AGAP1: variants seen among roughly 807,000 people sequenced by gnomAD.
AGAP1 encodes arf-GAP with GTPase, ANK repeat and PH domain-containing protein 1.
Under a neutral mutation model 105.3 loss-of-function variants are expected in AGAP1, and 29 were observed. The ratio of observed to expected loss-of-function variants is 0.28; its 90% CI spans 0.21 to 0.38. The LOEUF is 0.38. AGAP1 is among the 10% of genes least tolerant of loss of function. AGAP1 has a pLI of 1.00. For missense variants in AGAP1, 998 were observed against 1,165.1 expected (o/e 0.86, Z 2.09); for synonymous variants, 509 against 485.9 (o/e 1.05, Z -0.63).
intron 1 of AGAP1, among the ~76,000 whole-genome samples, chr2:235,617,180 CAT>C (rs749890873): frequency 1.8e-4 from 28 of 152,192 alleles, no homozygotes; most frequent in East Asian, 3.9e-4. Flanking sequence ...ACAAAACAAA[CAT>C]GTGTGAATAG....
At chr2:235,823,882 A>G (rs1958935567) in intron 9 of AGAP1, among the ~76,000 whole-genome samples, 1 of 152,196 alleles carries the variant, frequency 6.6e-6, no homozygotes, top group African/African-American at 2.4e-5. Flanking sequence ...ATTGATTCCC[A>G]GCAGTCCTGT....
Position 235,599,378 on chromosome 2 carries a change from AG to A in AGAP1, c.163+104531del, listed in dbSNP as rs1945652472. Among the ~76,000 whole-genome samples the A allele has an allele frequency of 6.6e-6, 1 of 152,064 alleles. No individual in the cohort carries two copies. On this transcript the variant is annotated intron_variant, in intron 1 of 17. Transcript: ENST00000304032. This position sits in a 1 kb window ranked among gnomAD's most constrained non-coding sequence, Gnocchi z 5.3. ...GGAGAAGGTGTGGCGGGCAGCAAGG[AG>A]GCTGGGGAAGTGGATGCTGCAGGGT...
At chr2:235,672,930 C>T (rs1340275207) in intron 1 of AGAP1, among the ~76,000 whole-genome samples, 2 of 152,150 alleles carry the variant, frequency 1.3e-5, no homozygotes, top group East Asian at 3.8e-4. Flanking sequence ...GTGGTCAGTC[C>T]TTCTCTGGGC....
At chr2:235,861,591 A>T (rs544656709) in intron 9 of AGAP1, among the ~76,000 whole-genome samples, 1 of 152,182 alleles carries the variant, frequency 6.6e-6, no homozygotes, top group African/African-American at 2.4e-5. Flanking sequence ...TGCACTACCT[A>T]TGTTTAGCAG....
rs1307640874 is a variant in AGAP1 at position 235,691,494 on chromosome 2, G to A, written c.164-17685G>A. Among the ~76,000 whole-genome samples, 2 of 152,178 alleles carry A rather than the reference G, an allele frequency of 1.3e-5. No individual in the cohort carries two copies. Among genetic ancestry groups the A allele is most frequent in the African/African-American group, 4.8e-5 (2 of 41,438 alleles). ...ATTTGAGATGTGCCAACATTTAGTC[G>A]GATTCTGTGACTGGTCGTGAGTCCC... On this transcript the variant is annotated intron_variant, in intron 1 of 17. Transcript: ENST00000304032. This position sits in a 1 kb window ranked among gnomAD's most constrained non-coding sequence, Gnocchi z 4.4.
rs1414425553 is a variant in AGAP1, at chr2:235,633,162, CATT to C, written c.164-76014_164-76012del. ...AAAAGACAGGTTAACGAGAGAAAAG[CATT>C]ATACATTTACTTGATCCTGGTTTTA... On this transcript the variant is annotated intron_variant, in intron 1 of 17. Coordinates refer to ENST00000304032, the MANE Select transcript of AGAP1 (RefSeq NM_001037131.3). The surrounding 1 kb of genome is among the most constrained non-coding windows in gnomAD (Gnocchi z 4.8). Among the ~76,000 whole-genome samples the C allele has an allele frequency of 6.6e-6, 1 of 152,132 alleles. No individual in the cohort carries two copies. The highest frequency in any genetic ancestry group is 1.5e-5 in the Non-Finnish European group (1 of 68,036).
rs954258926 is a variant in AGAP1 at position 235,560,796 on chromosome 2, C to T, written c.163+65947C>T. Among the ~76,000 whole-genome samples, 11 of 152,164 alleles carry T rather than the reference C, an allele frequency of 7.2e-5. 1 individual carries two copies. The highest frequency in any genetic ancestry group is 1.2e-4 in the Non-Finnish European group (8 of 68,032). On this transcript the variant is annotated intron_variant, in intron 1 of 17. Transcript: ENST00000304032. ...GAACTGTCAGACAGTGAAATCACGT[C>T]GTTCTAAACCAGTCAGCTGAGTGGT...
chr2:235,769,679 T>C lies in AGAP1; in HGVS notation c.673+19191T>C, dbSNP rs1254668720. On this transcript the variant is annotated intron_variant, in intron 6 of 17. Coordinates refer to ENST00000304032, the MANE Select transcript of AGAP1 (RefSeq NM_001037131.3). This position sits in a 1 kb window ranked among gnomAD's most constrained non-coding sequence, Gnocchi z 4.4. Reference sequence around the variant, plus strand: ...AATTAATTGCTGTAAAATATCGTGGTCAAAATCTCGGGGAGGCAGTGAAAA... The same window carrying C: ...AATTAATTGCTGTAAAATATCGTGGCCAAAATCTCGGGGAGGCAGTGAAAA... Among the ~76,000 whole-genome samples the C allele has an allele frequency of 6.6e-6, 1 of 151,876 alleles. No individual in the cohort carries two copies. Among genetic ancestry groups the C allele is most frequent in the East Asian group, 1.9e-4 (1 of 5,178 alleles).
In AGAP1 at chr2:236,062,527, A is replaced by G. The variant is rs895175436; in HGVS notation, c.2114+13246A>G. On this transcript the variant is annotated intron_variant, in intron 16 of 17. Transcript: ENST00000304032. This position sits in a 1 kb window ranked among gnomAD's most constrained non-coding sequence, Gnocchi z 4.2. ...ATCTCACTCTATCACACAGGCTTGAATGCAGTGGCATGATCATAGCTTACT... is the reference window on the plus strand; with the variant it reads ...ATCTCACTCTATCACACAGGCTTGAGTGCAGTGGCATGATCATAGCTTACT... Among the ~76,000 whole-genome samples, 2 of 152,168 alleles carry G rather than the reference A, an allele frequency of 1.3e-5. No homozygotes were observed. The highest frequency in any genetic ancestry group is 2.4e-5 in the African/African-American group (1 of 41,512).
At position 236,076,726 on chromosome 2, in the gene AGAP1, T is replaced by C. The variant is rs1342994886; in HGVS notation, c.2114+27445T>C. On this transcript the variant is annotated intron_variant, in intron 16 of 17. Transcript: ENST00000304032. The surrounding 1 kb of genome is among the most constrained non-coding windows in gnomAD (Gnocchi z 4.4). The stretch of plus-strand genomic sequence containing the variant: ...ACTAAAGAGGGAAGCCCCAGCGCTA[T>C]GAGCATACCTGGCAACAGACCACTT... Among the ~76,000 whole-genome samples the C allele has an allele frequency of 2.0e-5, 3 of 152,170 alleles. No homozygotes were observed. The highest frequency in any genetic ancestry group is 4.4e-5 in the Non-Finnish European group (3 of 68,022).
At chr2:235,742,208 A>C (rs1952633989) in intron 4 of AGAP1, among the ~76,000 whole-genome samples, 1 of 152,178 alleles carries the variant, frequency 6.6e-6, no homozygotes, top group Admixed American at 6.5e-5. Context: ...AAAGATACTG[A>C]ATACAGGACT....
chr2:235,838,837 A>C (rs1960473189), intron 9 of AGAP1, among the ~76,000 whole-genome samples: 1 of 152,212 alleles, frequency 6.6e-6, no homozygotes, highest in East Asian at 1.9e-4. Context: ...TCTGACCCTA[A>C]TTGATTAAAG....
intron 16 of AGAP1, among the ~76,000 whole-genome samples, chr2:236,077,707 A>G (rs2058678177): frequency 6.6e-6 from 1 of 152,324 alleles, no homozygotes; most frequent in Non-Finnish European, 1.5e-5. Context: ...CCCCTTGGAC[A>G]TGGGTTTGCA....
intron 6 of AGAP1, among the ~76,000 whole-genome samples, chr2:235,785,662 TG>T (rs1956582968): frequency 6.6e-6 from 1 of 152,202 alleles, no homozygotes; most frequent in Non-Finnish European, 1.5e-5. Flanking sequence ...TTTAAAATTT[TG>T]TGTAGTTTCT....
chr2:235,667,987 CT>C (rs1948183738), intron 1 of AGAP1, among the ~76,000 whole-genome samples: 1 of 128,106 alleles, frequency 7.8e-6, no homozygotes, highest in Non-Finnish European at 1.6e-5. Flanking sequence ...AAAAAAAAGT[CT>C]TCTTTATTGA....
rs547130752 is a variant in AGAP1, at chr2:235,760,515, T to C, written c.673+10027T>C. ...CTTAAATCATCCAAGTGTTTTTGAA[T>C]ATTATTTCAATTATTTCATCTTAGA... On this transcript the variant is annotated intron_variant, in intron 6 of 17. Coordinates refer to ENST00000304032, the MANE Select transcript of AGAP1 (RefSeq NM_001037131.3). Among the ~76,000 whole-genome samples, 56 of 152,378 alleles carry C rather than the reference T, an allele frequency of 3.7e-4. No homozygotes were observed. The East Asian group carries it at 6.6e-3, about 18-fold the overall frequency.
In AGAP1 at chr2:235,615,973, G is replaced by C. The variant is rs941435266; in HGVS notation, c.164-93206G>C. Reference sequence around the variant, plus strand: ...TAAGAAAAATATTTCCTAACTAAAGGAAATGGACACAAAATTCATAAAAGA... The same window carrying C: ...TAAGAAAAATATTTCCTAACTAAAGCAAATGGACACAAAATTCATAAAAGA... On this transcript the variant is annotated intron_variant, in intron 1 of 17. Transcript: ENST00000304032. This position sits in a 1 kb window ranked among gnomAD's most constrained non-coding sequence, Gnocchi z 5.0. 6.6e-6 allele frequency among the ~76,000 whole-genome samples: 1 copy of C among 152,018 alleles called. No individual in the cohort carries two copies. Among genetic ancestry groups the C allele is most frequent in the African/African-American group, 2.4e-5 (1 of 41,370 alleles).
rs542439477 is a variant in AGAP1, at chr2:236,119,942, G to A, written c.2115-250G>A. 3.3e-5 allele frequency among the ~76,000 whole-genome samples: 5 copies of A among 152,328 alleles called. No homozygotes were observed. The highest frequency in any genetic ancestry group is 4.8e-5 in the African/African-American group (2 of 41,578). On this transcript the variant is annotated intron_variant, in intron 16 of 17. Transcript: ENST00000304032. The surrounding 1 kb of genome is among the most constrained non-coding windows in gnomAD (Gnocchi z 6.6). The stretch of plus-strand genomic sequence containing the variant: ...CCTGCAGGGCTTCTTAAAACACCCC[G>A]AGAGGTTTGGATTCAGGGGGTCTGG...
At chr2:235,946,395 C>G (rs999927026) in intron 12 of AGAP1, among the ~76,000 whole-genome samples, 3 of 150,914 alleles carry the variant, frequency 2.0e-5, no homozygotes, top group Non-Finnish European at 4.4e-5. Context: ...AAGCAATACT[C>G]CTGACCTCAG....
Sources: gnomAD v4.1 joint callset for allele counts (sites outside exome capture counted in the v4.1 genomes callset) on GRCh38, gnomAD v4.1.1 for gene constraint, Gnocchi (gnomAD v3.1) non-coding constraint, MANE v1.5 for transcripts, NCBI Gene and HGNC (gene_info 2026-07-23, HGNC 2026-07-21) for gene names.